POU2F2: variants seen among roughly 807,000 people sequenced by gnomAD.
POU2F2 encodes the protein POU domain, class 2, transcription factor 2.
A neutral mutation model predicts 63.5 loss-of-function variants in POU2F2; 14 were observed. That is an observed-to-expected ratio of 0.22 (90% CI 0.15 to 0.34). The LOEUF is 0.34. POU2F2 is among the 10% of genes least tolerant of loss of function. The pLI is 1.00. For missense variants in POU2F2, 607 were observed against 815.2 expected (o/e 0.74, Z 3.11); for synonymous variants, 306 against 348.6 (o/e 0.88, Z 1.36).
upstream of POU2F2, among the ~76,000 whole-genome samples, chr19:42,177,794 TCAGAGACA>T (rs538854266): frequency 1.3e-5 from 2 of 148,680 alleles, no homozygotes; most frequent in African/African-American, 5.0e-5. Context: ...ACAGAGATAC[TCAGAGACA>T]CAGAGACACC....
At chr19:42,166,118 C>T (rs1018400999) in intron 1 of POU2F2, among the ~76,000 whole-genome samples, 1 of 152,164 alleles carries the variant, frequency 6.6e-6, no homozygotes, top group South Asian at 2.1e-4. Context: ...GCAATGGCCC[C>T]CAAACTATCT....
intron 1 of POU2F2, among the ~76,000 whole-genome samples, chr19:42,185,340 C>T (rs1371174231): frequency 6.6e-6 from 1 of 152,088 alleles, no homozygotes; most frequent in East Asian, 1.9e-4. Flanking sequence ...CTAGTCTATC[C>T]TCCACACTGG....
rs2034466299 is a variant in POU2F2, at chr19:42,156,851, T to C, written c.-9+3481A>G. On this transcript the variant is annotated intron_variant, in intron 2 of 6. Transcript: ENST00000524801. The surrounding 1 kb of genome is among the most constrained non-coding windows in gnomAD (Gnocchi z 4.1). Reference sequence around the variant, plus strand: ...TCATGCAGCCTTGAATTCTGTTCCTTCCACGTCACCTCACCAGACCCAGGA... The same window carrying C: ...TCATGCAGCCTTGAATTCTGTTCCTCCCACGTCACCTCACCAGACCCAGGA... 1 of 152,276 alleles carries C rather than the reference T, an allele frequency of 6.6e-6. No homozygotes were observed. Among genetic ancestry groups the C allele is most frequent in the Non-Finnish European group, 1.5e-5 (1 of 68,096 alleles). The allele number at this position is 152,276 out of a possible 1,614,324, so 9.4% of individuals were successfully genotyped here.
In POU2F2 at chr19:42,117,009, C is replaced by A; in HGVS notation, c.369+241G>T. ...GAGCTGGCATCAGTGCCGTGAGCTG[C>A]GGGGTGTCGGGGACAGCAGGAATTG... On this transcript the variant is annotated intron_variant, in intron 5 of 14. Coordinates refer to ENST00000692977, the MANE Select transcript of POU2F2 (RefSeq NM_001394376.1). This position sits in a 1 kb window ranked among gnomAD's most constrained non-coding sequence, Gnocchi z 4.4. 1 of 619,564 alleles carries A rather than the reference C, an allele frequency of 1.6e-6. No homozygotes were observed. The highest frequency in any genetic ancestry group is 2.9e-6 in the Non-Finnish European group (1 of 342,254). The allele number at this position is 619,564 out of a possible 1,614,324, so 38.4% of individuals were successfully genotyped here.
intron 1 of POU2F2, among the ~76,000 whole-genome samples, chr19:42,128,407 A>T (rs144338512): frequency 1.3e-5 from 2 of 152,200 alleles, no homozygotes; most frequent in African/African-American, 4.8e-5. Context: ...TGTTACCCTT[A>T]TTCTCCCTAA....
chr19:42,129,138 C>T (rs941951723), intron 1 of POU2F2, among the ~76,000 whole-genome samples: 1 of 152,124 alleles, frequency 6.6e-6, no homozygotes, highest in African/African-American at 2.4e-5. Context: ...CAGCCCCCTC[C>T]TGGTGATTCT....
intron 1 of POU2F2, among the ~76,000 whole-genome samples, chr19:42,164,659 GA>G (rs576197706): frequency 1.7e-3 from 244 of 141,548 alleles, no homozygotes; most frequent in East Asian, 8.4e-3. Context: ...CTCCTTTGGA[GA>G]AAAAAAAAAA....
chr19:42,129,160 T>A (rs1439613973), intron 1 of POU2F2, among the ~76,000 whole-genome samples: 1 of 152,034 alleles, frequency 6.6e-6, no homozygotes, highest in Non-Finnish European at 1.5e-5. Flanking sequence ...ATGTGCTCCA[T>A]CCCCTGGCAC....
chr19:42,136,434 G>A (rs1568409324), upstream of POU2F2, among the ~76,000 whole-genome samples: 2 of 151,076 alleles, frequency 1.3e-5, no homozygotes, highest in African/African-American at 2.4e-5. Context: ...CCATCCACCC[G>A]CCTCAGCCTC....
rs145860541 is a variant in POU2F2 at position 42,091,597 on chromosome 19, G to A, written c.1541-6C>T. On this transcript the variant is annotated splice_region_variant and splice_polypyrimidine_tract_variant and intron_variant, in intron 14 of 14. Transcript: ENST00000692977. ...GGTTCCACCAGAGGCCAGGGCTGGC[G>A]GGGAGAGAGAGAGGCTGGGCTAAGG... The A allele has an allele frequency of 1.5e-3, 2,257 of 1,545,462 alleles. 3 individuals are homozygous for A. Among genetic ancestry groups the A allele is most frequent in the Non-Finnish European group, 1.7e-3 (1,949 of 1,142,880 alleles).
At chr19:42,129,845 G>C (rs2033545858) in intron 1 of POU2F2, among the ~76,000 whole-genome samples, 1 of 152,192 alleles carries the variant, frequency 6.6e-6, no homozygotes, top group Admixed American at 6.5e-5. Flanking sequence ...CACAACAAGA[G>C]AGGTGGCCCC....
intron 2 of POU2F2, among the ~76,000 whole-genome samples, chr19:42,148,027 G>A (rs763191812): frequency 3.9e-5 from 6 of 152,090 alleles, no homozygotes; most frequent in Non-Finnish European, 8.8e-5. Context: ...CACTGAGGCA[G>A]GCAAAATGGT....
At chr19:42,143,378 T>C (rs373180155) in intron 2 of POU2F2, among the ~76,000 whole-genome samples, 2 of 152,290 alleles carry the variant, frequency 1.3e-5, no homozygotes, top group South Asian at 4.1e-4. Context: ...TTCATTAAAC[T>C]GTACATTAAC....
At chr19:42,107,864 C>A (rs2146466104) in intron 5 of POU2F2, among the ~76,000 whole-genome samples, 1 of 152,238 alleles carries the variant, frequency 6.6e-6, no homozygotes, top group Non-Finnish European at 1.5e-5. Context: ...TGCCCACCAC[C>A]CCCGCTTACC....
chr19:42,104,886 G>A (rs1033396903), intron 5 of POU2F2, among the ~76,000 whole-genome samples: 1 of 152,096 alleles, frequency 6.6e-6, no homozygotes, highest in Non-Finnish European at 1.5e-5. Flanking sequence ...GGGTGCCTCT[G>A]CTTATTCCGT....
intron 1 of POU2F2, among the ~76,000 whole-genome samples, chr19:42,163,637 G>T (rs1196919957): frequency 6.6e-6 from 1 of 152,182 alleles, no homozygotes; most frequent in African/African-American, 2.4e-5. Flanking sequence ...CCCTCCCTGA[G>T]GGAGGCCAGG....
At chr19:42,168,225 C>T (rs1353851704) in intron 1 of POU2F2, among the ~76,000 whole-genome samples, 1 of 152,108 alleles carries the variant, frequency 6.6e-6, no homozygotes, top group Non-Finnish European at 1.5e-5. Context: ...GGATCCCTTC[C>T]TCCAGGGGCT....
Position 42,117,550 on chromosome 19 carries a change from T to C in POU2F2, c.187-118A>G. ...TGGTCCTGCACTGACCGCTGGGAGC[T>C]TCAAACCACTCCTCTGGCCTCAGTT... On this transcript the variant is annotated intron_variant, in intron 4 of 14. Coordinates refer to ENST00000692977, the MANE Select transcript of POU2F2 (RefSeq NM_001394376.1). The surrounding 1 kb of genome is among the most constrained non-coding windows in gnomAD (Gnocchi z 4.4). The C allele has an allele frequency of 1.9e-6, 1 of 517,234 alleles. No homozygotes were observed. Among genetic ancestry groups the C allele is most frequent in the Middle Eastern group, 4.4e-4 (1 of 2,286 alleles). The allele number at this position is 517,234 out of a possible 1,614,324, so 32.0% of individuals were successfully genotyped here. A position where few individuals can be genotyped will look rare whatever the true frequency, so the allele number is the denominator to read the frequency against.
upstream of POU2F2, chr19:42,177,036 G>A (rs1031974088): frequency 6.6e-6 from 1 of 151,700 alleles, no homozygotes; most frequent in Admixed American, 6.6e-5. Flanking sequence ...GCGGGCAGGG[G>A]CTGCGAGGGG....
Sources: allele counts gnomAD v4.1 joint callset (sites outside exome capture counted in the v4.1 genomes callset), GRCh38; gene constraint gnomAD v4.1.1; non-coding constraint Gnocchi (gnomAD v3.1); transcripts MANE v1.5; gene names NCBI Gene and HGNC (gene_info 2026-07-23, HGNC 2026-07-21).